PAK5: variants seen among roughly 807,000 people sequenced by gnomAD.
PAK5 encodes the protein p21 (RAC1) activated kinase 5.
Under a neutral mutation model 65.9 loss-of-function variants are expected in PAK5, and 16 were observed. The observed-to-expected ratio is 0.24, with a 90% CI of 0.16 to 0.37. The LOEUF is 0.37. Ranked by LOEUF, PAK5 falls within the 10% of genes least tolerant of loss-of-function variation. The pLI is 1.00. For synonymous variants in PAK5, 371 were observed against 354.9 expected (o/e 1.05, Z -0.51); for missense variants, 785 against 903.9 (o/e 0.87, Z 1.69).
chr20:9,780,690 C>A (rs79341520), intron 1 of PAK5, among the ~76,000 whole-genome samples: 1 of 151,988 alleles, frequency 6.6e-6, no homozygotes, highest in Non-Finnish European at 1.5e-5. Flanking sequence ...ATAGTACACA[C>A]CCCCCTTGGA....
At chr20:9,796,423 C>T (rs2049105217) in intron 1 of PAK5, among the ~76,000 whole-genome samples, 1 of 152,070 alleles carries the variant, frequency 6.6e-6, no homozygotes, top group African/African-American at 2.4e-5. Context: ...CCAAGAGAGA[C>T]TTTGCTTCCA....
intron 2 of PAK5, among the ~76,000 whole-genome samples, chr20:9,658,502 A>C (rs1320902213): frequency 6.6e-6 from 1 of 152,228 alleles, no homozygotes; most frequent in Non-Finnish European, 1.5e-5. Context: ...TTCTATAAAC[A>C]ATGAAAGCTA....
intron 3 of PAK5, among the ~76,000 whole-genome samples, chr20:9,621,756 T>A (rs73247454): frequency 6.6e-6 from 1 of 152,080 alleles, no homozygotes; most frequent in South Asian, 2.1e-4. Flanking sequence ...ATCCAGAGAG[T>A]GCTCACAGCC....
intron 7 of PAK5, among the ~76,000 whole-genome samples, chr20:9,547,952 A>C (rs996768245): frequency 6.6e-6 from 1 of 152,196 alleles, no homozygotes; most frequent in Non-Finnish European, 1.5e-5. Context: ...AGGTGGGGAT[A>C]AGGGGGCATT....
chr20:9,744,672 A>T (rs1441814329), intron 1 of PAK5, among the ~76,000 whole-genome samples: 1 of 152,186 alleles, frequency 6.6e-6, no homozygotes, highest in African/African-American at 2.4e-5. Context: ...CATGAATGAG[A>T]TGTGTGTGGT....
At chr20:9,566,652 C>T (rs111309216) in intron 4 of PAK5, among the ~76,000 whole-genome samples, 7 of 152,184 alleles carry the variant, frequency 4.6e-5, no homozygotes, top group African/African-American at 1.4e-4. Context: ...AATGAAAAAC[C>T]CCATCCCTCA....
At chr20:9,620,130 A>G (rs1053296717) in intron 3 of PAK5, among the ~76,000 whole-genome samples, 3 of 152,208 alleles carry the variant, frequency 2.0e-5, no homozygotes, top group South Asian at 4.1e-4. Flanking sequence ...TGAATCAGCA[A>G]CACTGCCCTC....
At position 9,566,097 on chromosome 20, in the gene PAK5, C is replaced by T. The variant is rs1485520095; in HGVS notation, c.1278G>A (p.Arg426=). ...CCGCCCGAAACTGTTCATGGGACAC[C>T]CTGGAGGGCTGCTGGTCGGAGGAGG... ...WGSSSDQQPS[R]VSHEQFRAAL... is the part of the protein sequence containing the mutation. Residue 426 remains arginine, a synonymous_variant, in exon 5 of 10, where the codon AGG becomes AGA. Transcript: ENST00000353224. 6.2e-7 allele frequency: 1 copy of T among 1,613,826 alleles called. No homozygotes were observed. The highest frequency in any genetic ancestry group is 8.5e-7 in the Non-Finnish European group (1 of 1,179,926).
rs2047869340 is a variant in PAK5 at position 9,696,359 on chromosome 20, T to G, written c.-12+14927A>C. Among the ~76,000 whole-genome samples the G allele has an allele frequency of 1.3e-5, 2 of 152,118 alleles. 1 individual carries two copies. The highest frequency in any genetic ancestry group is 4.1e-4 in the South Asian group (2 of 4,834). On this transcript the variant is annotated intron_variant, in intron 2 of 9. Coordinates refer to ENST00000353224, the MANE Select transcript of PAK5 (RefSeq NM_177990.4). ...GCAATCTGTGTTTCTGTGATTCTCA[T>G]GTGTGCCCCAGTTTTCAAACTAGGA...
intron 1 of PAK5, among the ~76,000 whole-genome samples, chr20:9,830,726 T>G (rs7269394): frequency 0.16 from 24,460 of 152,224 alleles, 2,479 homozygotes; most frequent in Admixed American, 0.26. Context: ...CACTACTGGC[T>G]CCAAGAGGAA....
chr20:9,589,661 A>G (rs6039514), intron 3 of PAK5, among the ~76,000 whole-genome samples: 24,559 of 152,052 alleles, frequency 0.16, 2,379 homozygotes, highest in African/African-American at 0.26. Context: ...CAAAAAGCCA[A>G]TTTCTGTTTT....
chr20:9,804,755 A>G (rs1194445394), intron 1 of PAK5, among the ~76,000 whole-genome samples: 1 of 152,194 alleles, frequency 6.6e-6, no homozygotes, highest in African/African-American at 2.4e-5. Context: ...AAAGGACACT[A>G]TCCAGAGTGT....
At chr20:9,808,953 G>A (rs2049264941) in intron 1 of PAK5, among the ~76,000 whole-genome samples, 1 of 152,134 alleles carries the variant, frequency 6.6e-6, no homozygotes, top group African/African-American at 2.4e-5. Flanking sequence ...GCAATCTGGG[G>A]AGAAGTATAC....
At chr20:9,634,907 GTCCTCACTGGTT>G (rs2046965552) in intron 3 of PAK5, among the ~76,000 whole-genome samples, 1 of 152,048 alleles carries the variant, frequency 6.6e-6, no homozygotes, top group South Asian at 2.1e-4. Flanking sequence ...CAAGTCCATT[GTCCTCACTGGTT>G]TTGCAAGTAT....
At chr20:9,787,667 A>C (rs2049007027) in intron 1 of PAK5, among the ~76,000 whole-genome samples, 2 of 151,206 alleles carry the variant, frequency 1.3e-5, no homozygotes, top group South Asian at 4.2e-4. Context: ...ATGTGTATAC[A>C]TTTACAGTGG....
At chr20:9,712,899 T>A (rs1365416367) in intron 1 of PAK5, among the ~76,000 whole-genome samples, 2 of 152,010 alleles carry the variant, frequency 1.3e-5, no homozygotes, top group African/African-American at 4.8e-5. Context: ...ATGTAAAACC[T>A]AAACTATGAA....
chr20:9,547,012 T>G (rs991092461), intron 7 of PAK5, among the ~76,000 whole-genome samples: 1 of 152,168 alleles, frequency 6.6e-6, no homozygotes, highest in Non-Finnish European at 1.5e-5. Context: ...GAAGAGTCTT[T>G]GCAGGTCTAA....
At chr20:9,750,819 C>G (rs1174394599) in intron 1 of PAK5, among the ~76,000 whole-genome samples, 1 of 152,034 alleles carries the variant, frequency 6.6e-6, no homozygotes, top group Non-Finnish European at 1.5e-5. Flanking sequence ...TAGTTCCTAC[C>G]ATCCCTATGG....
At chr20:9,831,902 G>GT (rs985369055) in intron 1 of PAK5, among the ~76,000 whole-genome samples, 6 of 151,886 alleles carry the variant, frequency 4.0e-5, no homozygotes, top group Admixed American at 3.9e-4. Flanking sequence ...ATTTTGTTCT[G>GT]TTTTTTTAAA....
Sources: allele counts gnomAD v4.1 joint callset (sites outside exome capture counted in the v4.1 genomes callset), GRCh38; gene constraint gnomAD v4.1.1; transcripts MANE v1.5; gene names NCBI Gene and HGNC (gene_info 2026-07-23, HGNC 2026-07-21).